Variants in PDE1C observed in about 807,000 individuals in gnomAD.
PDE1C encodes the protein dual specificity calcium/calmodulin-dependent 3',5'-cyclic nucleotide phosphodiesterase 1C.
A neutral mutation model predicts 93.1 loss-of-function variants in PDE1C; 62 were observed. The observed-to-expected ratio is 0.67, with a 90% CI of 0.54 to 0.82. The LOEUF is 0.82. Ranked by LOEUF, PDE1C falls within the 40% of genes least tolerant of loss-of-function variation. The pLI is 0.00. For synonymous variants in PDE1C, 325 were observed against 310.1 expected (o/e 1.05, Z -0.50); for missense variants, 742 against 884.6 (o/e 0.84, Z 2.04).
chr7:32,290,673 A>T (rs1812277572), intron 1 of PDE1C, among the ~76,000 whole-genome samples: 1 of 152,118 alleles, frequency 6.6e-6, no homozygotes, highest in African/African-American at 2.4e-5. Context: ...GAGAGCTAAC[A>T]TTCTAACAAG....
the PDE1C span, among the ~76,000 whole-genome samples, chr7:31,671,421 C>T: frequency 4.6e-5 from 7 of 152,190 alleles, no homozygotes; most frequent in African/African-American, 1.7e-4. Context: ...CAGTTCCCAC[C>T]TGCAAAGGGG....
intron 2 of PDE1C, among the ~76,000 whole-genome samples, chr7:31,972,642 C>A (rs1345725656): frequency 6.6e-6 from 1 of 152,078 alleles, no homozygotes; most frequent in Admixed American, 6.5e-5. Flanking sequence ...CTGGATATAA[C>A]ACAACAAACA....
intron 16 of PDE1C, among the ~76,000 whole-genome samples, chr7:31,780,303 C>T (rs1783307510): frequency 6.6e-6 from 1 of 152,176 alleles, no homozygotes; most frequent in Non-Finnish European, 1.5e-5. Flanking sequence ...GTGTGCTCAT[C>T]CTCACGGATG....
At chr7:32,085,574 C>T (rs1043562973) in intron 3 of PDE1C, among the ~76,000 whole-genome samples, 30 of 147,660 alleles carry the variant, frequency 2.0e-4, no homozygotes, top group African/African-American at 7.3e-4. Flanking sequence ...AGACCAATAT[C>T]CTTGATGAAC....
intron 2 of PDE1C, among the ~76,000 whole-genome samples, chr7:31,976,557 T>C (rs771372717): frequency 1.2e-4 from 19 of 152,168 alleles, no homozygotes; most frequent in Non-Finnish European, 2.5e-4. Flanking sequence ...ACTAGTACTT[T>C]TTCCTCTTGC....
At chr7:31,843,104 T>C (rs995462659) in intron 9 of PDE1C, among the ~76,000 whole-genome samples, 2 of 151,964 alleles carry the variant, frequency 1.3e-5, no homozygotes, top group African/African-American at 4.8e-5. Context: ...TTTAAGCTTA[T>C]GATATTTTAA....
At chr7:31,872,789 A>G (rs897462522) in intron 6 of PDE1C, among the ~76,000 whole-genome samples, 2 of 152,178 alleles carry the variant, frequency 1.3e-5, no homozygotes, top group Non-Finnish European at 2.9e-5. Context: ...TTCTTTATGT[A>G]AAGTTGAAGA....
At chr7:32,389,485 G>C (rs1167504792) in intron 1 of PDE1C, among the ~76,000 whole-genome samples, 1 of 152,142 alleles carries the variant, frequency 6.6e-6, no homozygotes, top group Non-Finnish European at 1.5e-5. Context: ...CCAAAGTGCT[G>C]GGATAACAGG....
chr7:31,651,101 CA>C, the PDE1C span: 9 of 1,597,560 alleles, frequency 5.6e-6, no homozygotes, highest in Non-Finnish European at 6.8e-6. Context: ...TGCAGAGGAT[CA>C]GAGAGGACTT....
chr7:32,341,766 C>T (rs1051282976), intron 1 of PDE1C, among the ~76,000 whole-genome samples: 1 of 152,296 alleles, frequency 6.6e-6, no homozygotes, highest in East Asian at 1.9e-4. Context: ...AACACACTCA[C>T]AGCCAAGGCC....
chr7:31,668,014 A>G, the PDE1C span, among the ~76,000 whole-genome samples: 2 of 152,114 alleles, frequency 1.3e-5, no homozygotes, highest in African/African-American at 2.4e-5. Flanking sequence ...GTAAATCTGC[A>G]TTTTTACATG....
chr7:32,265,343 C>G (rs1193006904), intron 1 of PDE1C, among the ~76,000 whole-genome samples: 1 of 152,162 alleles, frequency 6.6e-6, no homozygotes, highest in Admixed American at 6.5e-5. Flanking sequence ...ATCCAACTGT[C>G]CCCCAGCCAT....
At chr7:31,780,453 C>T (rs1783320862) in intron 16 of PDE1C, among the ~76,000 whole-genome samples, 1 of 152,156 alleles carries the variant, frequency 6.6e-6, no homozygotes, top group Non-Finnish European at 1.5e-5. Context: ...TGGTTTGTTC[C>T]ATCTATGCTA....
At chr7:31,852,078 G>T (rs1171715863) in intron 7 of PDE1C, among the ~76,000 whole-genome samples, 1 of 152,148 alleles carries the variant, frequency 6.6e-6, no homozygotes, top group East Asian at 1.9e-4. Context: ...AACGCAAAAT[G>T]AGTTAAAATG....
At chr7:32,180,819 G>A (rs1284684836) in intron 2 of PDE1C, among the ~76,000 whole-genome samples, 1 of 152,122 alleles carries the variant, frequency 6.6e-6, no homozygotes, top group Non-Finnish European at 1.5e-5. Flanking sequence ...TGGCTTTCTG[G>A]AATCATAAAA....
intron 2 of PDE1C, among the ~76,000 whole-genome samples, chr7:32,029,259 TAC>T (rs1789938459): frequency 1.6e-5 from 2 of 128,378 alleles, no homozygotes; most frequent in Admixed American, 7.7e-5. Context: ...ATTAGTACAG[TAC>T]AGCCATTATG....
chr7:32,421,243 T>C (rs1476965715), intron 1 of PDE1C, among the ~76,000 whole-genome samples: 1 of 152,160 alleles, frequency 6.6e-6, no homozygotes, highest in Non-Finnish European at 1.5e-5. Context: ...ATGAACTGCT[T>C]TGTGGATTTT....
At position 32,369,609 on chromosome 7, in the gene PDE1C, C is replaced by T. The variant is rs79401654; in HGVS notation, c.310+58213G>A. Among the ~76,000 whole-genome samples, 1,327 of 152,204 alleles carry T rather than the reference C, an allele frequency of 8.7e-3. 23 individuals carry two copies. The highest frequency in any genetic ancestry group is 0.03 in the African/African-American group (1,231 of 41,534). ...CCTTTAAAAAGCTACATAAAATTAC[C>T]ATATGATTCAGCTATCCTACTTCTT... On this transcript the variant is annotated intron_variant, in intron 1 of 1. Transcript: ENST00000672256.
At chr7:31,695,240 G>A in the PDE1C span, among the ~76,000 whole-genome samples, 5,889 of 152,158 alleles carry the variant, frequency 0.039, 166 homozygotes, top group African/African-American at 0.072. Flanking sequence ...ATCCATTTGA[G>A]TTTCCTTAAT....
Sources: allele counts gnomAD v4.1 joint callset (sites outside exome capture counted in the v4.1 genomes callset), GRCh38; gene constraint gnomAD v4.1.1; transcripts MANE v1.5; gene names NCBI Gene and HGNC (gene_info 2026-07-23, HGNC 2026-07-21).